UTP25: variants seen among roughly 807,000 people sequenced by gnomAD.
UTP25 encodes U3 small nucleolar RNA-associated protein 25 homolog.
A neutral mutation model predicts 78.9 loss-of-function variants in UTP25; 50 were observed. The ratio of observed to expected loss-of-function variants is 0.63; its 90% CI spans 0.50 to 0.80. The LOEUF (loss-of-function observed/expected upper bound fraction) is 0.80, where lower values mean the gene tolerates loss of function less well. UTP25 is among the 30% of genes least tolerant of loss of function. UTP25 has a pLI of 0.00. For missense variants in UTP25, 846 were observed against 911.3 expected (o/e 0.93, Z 0.92); for synonymous variants, 329 against 336.5 (o/e 0.98, Z 0.24).
intron 5 of UTP25, among the ~76,000 whole-genome samples, chr1:209,836,058 T>C (rs1302683947): frequency 6.6e-6 from 1 of 152,160 alleles, no homozygotes; most frequent in African/African-American, 2.4e-5. Flanking sequence ...CACCCCCATT[T>C]CTAACCCCTG....
intron 11 of UTP25, among the ~76,000 whole-genome samples, chr1:209,848,055 TGCCGTAC>T (rs1332270337): frequency 6.6e-6 from 1 of 152,224 alleles, no homozygotes; most frequent in Non-Finnish European, 1.5e-5. Flanking sequence ...TCTCAAACTT[TGCCGTAC>T]GTTAGAATAG....
rs145078045 is a variant in UTP25, at chr1:209,840,929, G to A, written c.1359G>A (p.Leu453=). ...CGGATATCCTCATTGCTTCCCCCCT[G>A]GGCTTGAGGACCATCATTGGTGGAG... ...YSSDILIASP[L]GLRTIIGGEG... is the part of the protein sequence containing the mutation. Residue 453 remains leucine (L), a synonymous_variant, in exon 8 of 12, where the codon CTG becomes CTA. Transcript: ENST00000491415. 252 of 1,613,828 alleles carry A rather than the reference G, an allele frequency of 1.6e-4. No homozygotes were observed. In the Middle Eastern group the frequency reaches 3.5e-3, roughly 22 times the overall value.
chr1:209,837,163 A>T lies in UTP25; in HGVS notation c.1014A>T (p.Gly338=). Residue 338 remains glycine, a synonymous_variant, in exon 6 of 12, where the codon GGA becomes GGT. Coordinates refer to ENST00000491415, the MANE Select transcript of UTP25 (RefSeq NM_014388.7). ...GCAGACGCCGAAGCCAGAAGTTTGG[A>T]GTGGGTGATGATGATGACTTCAGAG... ...NNSRRRSQKF[G]VGDDDDFRDQ... The T allele has an allele frequency of 6.2e-7, 1 of 1,614,082 alleles. No individual in the cohort carries two copies. Among genetic ancestry groups the T allele is most frequent in the Non-Finnish European group, 8.5e-7 (1 of 1,180,014 alleles).
intron 11 of UTP25, among the ~76,000 whole-genome samples, chr1:209,845,649 C>T (rs2078192926): frequency 6.6e-6 from 1 of 152,184 alleles, no homozygotes; most frequent in Admixed American, 6.5e-5. Flanking sequence ...ATGCCCTGGG[C>T]CAGGTTAATT....
chr1:209,842,855 A>G, intron 10 of UTP25, 160 bp downstream of exon 10: 1 of 620,782 alleles, frequency 1.6e-6, no homozygotes, highest in Admixed American at 2.8e-5. Flanking sequence ...AGGAAACTGA[A>G]GCACAGAGAG....
At chr1:209,845,519 G>T (rs17015359) in intron 11 of UTP25, among the ~76,000 whole-genome samples, 3,248 of 152,312 alleles carry the variant, frequency 0.021, 120 homozygotes, top group African/African-American at 0.074. Flanking sequence ...AGCTTTTCAA[G>T]GACAGGGCAT....
chr1:209,846,369 G>T (rs923108358), intron 11 of UTP25, among the ~76,000 whole-genome samples: 2 of 152,166 alleles, frequency 1.3e-5, no homozygotes, highest in African/African-American at 4.8e-5. Context: ...ATGGGTCACA[G>T]CTCTTTTCCA....
At chr1:209,841,261 A>G (rs1457765431) in intron 8 of UTP25, among the ~76,000 whole-genome samples, 4 of 152,216 alleles carry the variant, frequency 2.6e-5, no homozygotes, top group African/African-American at 9.6e-5. Flanking sequence ...CTGTCTACAG[A>G]TTAAAATTCC....
chr1:209,844,813 T>C (rs1211099298), intron 11 of UTP25, among the ~76,000 whole-genome samples: 2 of 152,254 alleles, frequency 1.3e-5, no homozygotes, highest in South Asian at 4.1e-4. Context: ...ATTTTTATTT[T>C]CAATTTTCAT....
intron 3 of UTP25, 118 bp downstream of exon 3, chr1:209,831,161 G>T (rs1350437318): frequency 1.9e-6 from 2 of 1,044,176 alleles, no homozygotes; most frequent in Non-Finnish European, 2.8e-6. Flanking sequence ...CCAAAATAGG[G>T]ATTTACCCTT....
rs137944993 is a variant in UTP25, at chr1:209,837,073, T to C, written c.924T>C (p.His308=). 5.6e-6 allele frequency: 9 copies of C among 1,614,054 alleles called. No homozygotes were observed. In the African/African-American group the frequency reaches 6.7e-5, roughly 12 times the overall value. ...TALKNGEEIR[H]VYCLHVINHI... is the part of the protein sequence containing the mutation. ...TGAAGAACGGGGAAGAGATCCGCCA[T>C]GTGTATTGCCTGCATGTGATAAATC... Residue 308 remains histidine (H), a synonymous_variant, in exon 6 of 12, where the codon CAT becomes CAC. Coordinates refer to ENST00000491415, the MANE Select transcript of UTP25 (RefSeq NM_014388.7).
At chr1:209,830,309 T>C (rs2078095403) in intron 2 of UTP25, among the ~76,000 whole-genome samples, 162 bp downstream of exon 2, 1 of 152,196 alleles carries the variant, frequency 6.6e-6, no homozygotes, top group South Asian at 2.1e-4. Context: ...TCTATAAAAA[T>C]GCCATTGTGA....
chr1:209,848,304 A>G (rs987611918), intron 11 of UTP25, among the ~76,000 whole-genome samples: 6 of 152,240 alleles, frequency 3.9e-5, no homozygotes, highest in African/African-American at 1.4e-4. Context: ...AAGGCACGTA[A>G]TGTCACTTTG....
In UTP25 at chr1:209,838,977, G is replaced by A. The variant is rs767522453; in HGVS notation, c.1131G>A (p.Glu377=). The change falls in exon 7 of 12, where the codon GAG becomes GAA. Residue 377 remains glutamate (E), a synonymous_variant. Transcript: ENST00000491415. ...TGCAGCTCTTCATCAGCCTCCTCGA[G>A]GGTGACAGCAAGAAGAAAATCATTG... ...RVVQLFISLL[E]GDSKKKIIVS... is the part of the protein sequence containing the mutation. The A allele has an allele frequency of 1.2e-6, 2 of 1,614,114 alleles. No individual in the cohort carries two copies. Among genetic ancestry groups the A allele is most frequent in the East Asian group, 4.5e-5 (2 of 44,888 alleles).
rs1419854099 is a variant in UTP25, at chr1:209,855,767, G to A, written c.*4320G>A. ...AAACTGTAGCCTTGGCTGACCCAGA[G>A]AAGGAAAGGAGGCAGTCTGCCGCTT... On this transcript the variant is annotated 3_prime_UTR_variant, in exon 12 of 12. Transcript: ENST00000491415. 3 of 152,390 alleles carry A rather than the reference G, an allele frequency of 2.0e-5. No homozygotes were observed. The highest frequency in any genetic ancestry group is 2.9e-5 in the Non-Finnish European group (2 of 68,164). 9.4% of individuals were successfully genotyped at this position (152,390 alleles called of 1,614,324 possible).
In UTP25 at chr1:209,842,277, C is replaced by T. The variant is rs2078171190; in HGVS notation, c.1498C>T (p.His500Tyr). 6 of 1,613,626 alleles carry T rather than the reference C, an allele frequency of 3.7e-6. No homozygotes were observed. The East Asian group carries it at 1.3e-4, about 36-fold the overall frequency. ...NWEHVLHLMN[H>Y]MNLLPLDSHG... ...TTTCCACTCAAAGCATTTGATGAAT[C>T]ACATGAACCTACTACCCCTGGACTC... Residue 500 changes from histidine to tyrosine, a missense_variant, in exon 9 of 12, where the codon CAC becomes TAC. Coordinates refer to ENST00000491415, the MANE Select transcript of UTP25 (RefSeq NM_014388.7).
intron 6 of UTP25, among the ~76,000 whole-genome samples, chr1:209,837,859 C>T (rs921505171): frequency 5.3e-5 from 8 of 152,212 alleles, no homozygotes; most frequent in African/African-American, 1.4e-4. Context: ...ACTTGTCCCC[C>T]TGCCCTGAAC....
chr1:209,831,169 C>T, intron 3 of UTP25, 126 bp downstream of exon 3: 2 of 961,810 alleles, frequency 2.1e-6, no homozygotes, highest in African/African-American at 3.3e-5. Flanking sequence ...GGGATTTACC[C>T]TTGTTGGGTT....
rs747000268 is a variant in UTP25 at position 209,838,908 on chromosome 1, G to GGTACTGATAGTGGTGCCA, written c.1063_1080dup (p.Val355_Pro360dup). The GGTACTGATAGTGGTGCCA allele has an allele frequency of 6.2e-7, 1 of 1,614,018 alleles. No homozygotes were observed. Among genetic ancestry groups the GGTACTGATAGTGGTGCCA allele is most frequent in the Non-Finnish European group, 8.5e-7 (1 of 1,179,928 alleles). On this transcript the variant is annotated inframe_insertion and splice_region_variant. Coordinates refer to ENST00000491415, the MANE Select transcript of UTP25 (RefSeq NM_014388.7). ...TAAGGCTGCTGTTGCTGTCTGCACAGGTACTGATAGTGGTGCCATTCCGGG... is the reference window on the plus strand; with the variant it reads ...TAAGGCTGCTGTTGCTGTCTGCACAGGTACTGATAGTGGTGCCAGTACTGATAGTGGTGCCATTCCGGG...
Sources: allele counts gnomAD v4.1 joint callset (sites outside exome capture counted in the v4.1 genomes callset), GRCh38; gene constraint gnomAD v4.1.1; transcripts MANE v1.5; gene names NCBI Gene and HGNC (gene_info 2026-07-23, HGNC 2026-07-21).